Variants in CD163L1 observed in about 807,000 individuals in gnomAD.
CD163L1 encodes scavenger receptor cysteine-rich type 1 protein M160.
In CD163L1, 124 loss-of-function variants were observed where a neutral mutation model predicts 165.4. The ratio of observed to expected loss-of-function variants is 0.75; its 90% confidence interval spans 0.65 to 0.87. The LOEUF (loss-of-function observed/expected upper bound fraction) is 0.87, where lower values mean the gene tolerates loss of function less well. Among genes scored for constraint, CD163L1 ranks in the 40% least tolerant of loss-of-function variants. The probability of loss-of-function intolerance (pLI) is 0.00; values close to 1 mark genes in which losing one functional copy is unlikely to be tolerated. For synonymous variants in CD163L1, 585 were observed against 662.2 expected, an observed-to-expected ratio of 0.88 and a Z score of 1.79; for missense variants, 1,525 against 1,799.9, an observed-to-expected ratio of 0.85 and a Z score of 2.76.
chr12:7,412,921 C>A (rs1037809859), intron 4 of CD163L1, among the ~76,000 whole-genome samples: 1 of 151,510 alleles, frequency 6.6e-6, no homozygotes, highest in Non-Finnish European at 1.5e-5. Flanking sequence ...ATGGTGAAAC[C>A]CCGTCTCTAC....
chr12:7,336,157 G>A, the CD163L1 span, among the ~76,000 whole-genome samples: 3 of 145,284 alleles, frequency 2.1e-5, no homozygotes, highest in Non-Finnish European at 4.5e-5. Context: ...CCCATTACTG[G>A]GTATATACCC....
At chr12:7,335,351 A>G in the CD163L1 span, among the ~76,000 whole-genome samples, 65 of 152,336 alleles carry the variant, frequency 4.3e-4, no homozygotes, top group African/African-American at 1.4e-3. Context: ...ATCTACAACT[A>G]TCTGATCTTT....
At chr12:7,326,981 GA>G in the CD163L1 span, 2 of 1,601,560 alleles carry the variant, frequency 1.2e-6, no homozygotes, top group African/African-American at 1.3e-5. Flanking sequence ...TGCAGGTGGT[GA>G]AAGCTTTTGT....
chr12:7,437,898 TAA>T (rs543607004), intron 2 of CD163L1, among the ~76,000 whole-genome samples: 3 of 137,636 alleles, frequency 2.2e-5, no homozygotes, highest in African/African-American at 5.3e-5. Context: ...TTTATTATTA[TAA>T]AAAAAAAAAA....
chr12:7,419,758 G>A (rs1948313286), intron 4 of CD163L1, among the ~76,000 whole-genome samples: 1 of 151,224 alleles, frequency 6.6e-6, no homozygotes, highest in Admixed American at 6.6e-5. Flanking sequence ...TTTTACAATA[G>A]CTGCAAAAAA....
intron 18 of CD163L1, among the ~76,000 whole-genome samples, chr12:7,359,753 T>C (rs1322482379): frequency 6.6e-6 from 1 of 152,166 alleles, no homozygotes; most frequent in Non-Finnish European, 1.5e-5. Flanking sequence ...AACAGATAAA[T>C]TTGCTCATCT....
chr12:7,392,041 C>T (rs1947666824), intron 8 of CD163L1, among the ~76,000 whole-genome samples: 1 of 152,042 alleles, frequency 6.6e-6, no homozygotes. Context: ...CAAGGATATC[C>T]AGGACTTGAA....
At chr12:7,439,513 T>C (rs1948784957) in intron 2 of CD163L1, 1 of 1,580,304 alleles carries the variant, frequency 6.3e-7, no homozygotes, top group Non-Finnish European at 8.5e-7. Context: ...CTCCTCTCTC[T>C]GCCTTAATTT....
intron 8 of CD163L1, among the ~76,000 whole-genome samples, chr12:7,386,717 C>CA (rs1555197312): frequency 6.6e-6 from 1 of 150,718 alleles, no homozygotes; most frequent in Non-Finnish European, 1.5e-5. Context: ...GAATGAATGA[C>CA]AAAAACCATA....
At chr12:7,367,555 A>G (rs1947049864) in intron 17 of CD163L1, 3 of 376,638 alleles carry the variant, frequency 8.0e-6, no homozygotes, top group South Asian at 4.6e-5. Flanking sequence ...TTTACATAGT[A>G]TTTACTATGT....
chr12:7,439,073 TGCTCCA>T (rs1948778681), intron 2 of CD163L1: 1 of 1,583,374 alleles, frequency 6.3e-7, no homozygotes, highest in Admixed American at 2.0e-5. Flanking sequence ...CTCAAAGCCA[TGCTCCA>T]GCCCTGTGTC....
chr12:7,345,022 G>T (rs1946659784), downstream of CD163L1, among the ~76,000 whole-genome samples: 3 of 152,076 alleles, frequency 2.0e-5, no homozygotes, highest in Admixed American at 2.0e-4. Flanking sequence ...ATGCCTTCAG[G>T]GCCTCTTTTT....
intron 14 of CD163L1, among the ~76,000 whole-genome samples, chr12:7,370,948 C>A (rs192448758): frequency 2.0e-5 from 3 of 152,114 alleles, no homozygotes; most frequent in Non-Finnish European, 4.4e-5. Flanking sequence ...ATAATTCCCA[C>A]GTGTTGTGGG....
rs372157792 is a variant in CD163L1 at position 7,368,949 on chromosome 12, T to C, written c.4056A>G (p.Ser1352=). 2 of 1,613,456 alleles carry C rather than the reference T, an allele frequency of 1.2e-6. No homozygotes were observed. Among genetic ancestry groups the C allele is most frequent in the African/African-American group, 2.7e-5 (2 of 74,748 alleles). The change falls in exon 16 of 20, where the codon TCA becomes TCG. Residue 1352 remains serine (S), a synonymous_variant. Coordinates refer to ENST00000313599, the MANE Select transcript of CD163L1 (RefSeq NM_174941.6). The surrounding 1 kb of genome is among the most constrained non-coding windows in gnomAD (Gnocchi z 4.3). The stretch of plus-strand genomic sequence containing the variant: ...AGACTATACCTGAGGAGGCATTCAG[T>C]GATTTCAGCGACTGTCCTGAGAGAG... The part of the protein sequence containing the change: ...GVRCSGQSLK[S]LNASSGHLAL...
At position 7,396,248 on chromosome 12, in the gene CD163L1, T is replaced by G. The variant is rs752603434; in HGVS notation, c.1897A>C (p.Met633Leu). 1.2e-6 allele frequency: 2 copies of G among 1,614,158 alleles called. No individual in the cohort carries two copies. The highest frequency in any genetic ancestry group is 2.2e-5 in the East Asian group (1 of 44,882). ...CCTGTAGAAGCGTTTCCCAGACCCA[T>G]GCCAATGATAGAAGATGGGCAGTCC... ...QLDCPSSIIG[M>L]GLGNASTGYG... is the part of the protein sequence containing the mutation. Residue 633 changes from methionine (M) to leucine (L), a missense_variant, in exon 8 of 20, where the codon ATG becomes CTG. Met to Leu is a conservative substitution (Grantham distance 15). Coordinates refer to ENST00000313599, the MANE Select transcript of CD163L1 (RefSeq NM_174941.6).
chr12:7,378,955 G>C (rs1453836100), intron 9 of CD163L1, 23 bp downstream of exon 9: 1 of 1,577,962 alleles, frequency 6.3e-7, no homozygotes, highest in African/African-American at 1.4e-5. Context: ...AAATAAATGT[G>C]TTTATCTTTG....
At position 7,424,941 on chromosome 12, in the gene CD163L1, T is replaced by C. The variant is rs143310873; in HGVS notation, c.766+7475A>G. ...TAATTTATAGATTCAATGCCATTCC[T>C]ATCAAGCTACCATTGACTTTCTTTA... On this transcript the variant is annotated intron_variant, in intron 4 of 19. Coordinates refer to ENST00000313599, the MANE Select transcript of CD163L1 (RefSeq NM_174941.6). 8.1e-3 allele frequency among the ~76,000 whole-genome samples: 1,227 copies of C among 152,242 alleles called. 13 individuals are homozygous for C. The highest frequency in any genetic ancestry group is 0.028 in the African/African-American group (1,153 of 41,564).
In CD163L1 at chr12:7,368,167, A is replaced by G. The variant is rs1202111604; in HGVS notation, c.4103T>C (p.Phe1368Ser). 1.9e-6 allele frequency: 3 copies of G among 1,608,636 alleles called. No homozygotes were observed. Among genetic ancestry groups the G allele is most frequent in the East Asian group, 2.2e-5 (1 of 44,852 alleles). The change falls in exon 17 of 20, where the codon TTT (phenylalanine) becomes TCT (serine). Residue 1368 changes from phenylalanine to serine, a missense_variant. Transcript: ENST00000313599. The surrounding 1 kb of genome is among the most constrained non-coding windows in gnomAD (Gnocchi z 4.3). ...AAACAGAACCAGGAGAAGGAGCCCA[A>G]AGATACTGGATAAAATAAGTGCTAA... ...GHLALILSSI[F>S]GLLLLVLFIL...
At chr12:7,322,610 C>A in the CD163L1 span, 8 of 1,519,374 alleles carry the variant, frequency 5.3e-6, no homozygotes, top group Non-Finnish European at 7.1e-6. Context: ...TCAACTGAGC[C>A]CCTGAAGTGC....
Sources: allele counts gnomAD v4.1 joint callset (sites outside exome capture counted in the v4.1 genomes callset), GRCh38; gene constraint gnomAD v4.1.1; non-coding constraint Gnocchi (gnomAD v3.1); transcripts MANE v1.5; gene names NCBI Gene and HGNC (gene_info 2026-07-23, HGNC 2026-07-21).